Variants in NIPSNAP3B observed in about 807,000 individuals in gnomAD.
NIPSNAP3B encodes protein NipSnap homolog 3B.
NIPSNAP3B carries 30 observed loss-of-function variants against 31.5 expected under a neutral mutation model. The observed-to-expected ratio is 0.95, with a 90% CI of 0.71 to 1.29. The LOEUF is 1.29. NIPSNAP3B is among the 50% of genes most tolerant of loss of function. NIPSNAP3B has a pLI of 0.00. For synonymous variants in NIPSNAP3B, 106 were observed against 107.9 expected (o/e 0.98, Z 0.11); for missense variants, 269 against 300.7 (o/e 0.89, Z 0.78).
chr9:104,778,068 T>G (rs1253653860), downstream of NIPSNAP3B, among the ~76,000 whole-genome samples: 1 of 152,200 alleles, frequency 6.6e-6, no homozygotes, highest in Non-Finnish European at 1.5e-5. Context: ...GGCATTATAC[T>G]CTTCAGATTT....
At chr9:104,788,123 A>G in the NIPSNAP3B span, 5,809 of 1,505,550 alleles carry the variant, frequency 3.9e-3, 176 homozygotes, top group African/African-American at 0.069. Flanking sequence ...CTACACATAC[A>G]TGTATGAAAG....
the NIPSNAP3B span, chr9:104,785,326 T>C: frequency 6.3e-7 from 1 of 1,595,224 alleles, no homozygotes. Context: ...CTCTTGGACC[T>C]ATGGGCGGGA....
the NIPSNAP3B span, among the ~76,000 whole-genome samples, chr9:104,787,546 G>A: frequency 0.092 from 14,034 of 152,186 alleles, 939 homozygotes; most frequent in East Asian, 0.26. Flanking sequence ...TCATCTATCC[G>A]TGTGTAAGGA....
Position 104,766,507 on chromosome 9 carries a change from G to C in NIPSNAP3B, c.243G>C (p.Thr81=). The change falls in exon 2 of 6, where the codon ACG becomes ACC. Residue 81 remains threonine (T), a synonymous_variant. Coordinates refer to ENST00000374762, the MANE Select transcript of NIPSNAP3B (RefSeq NM_018376.4). ...GGAGTGTAGAATTTGGAGGCAGAAC[G>C]AATAAAGTGTTTCATATTTGGAAGT... ...GFWSVEFGGR[T]NKVFHIWKYD... 3.7e-6 allele frequency: 6 copies of C among 1,613,442 alleles called. No individual in the cohort carries two copies. The highest frequency in any genetic ancestry group is 1.3e-5 in the African/African-American group (1 of 74,978).
chr9:104,789,240 C>A, the NIPSNAP3B span, among the ~76,000 whole-genome samples: 1 of 152,180 alleles, frequency 6.6e-6, no homozygotes, highest in African/African-American at 2.4e-5. Flanking sequence ...CGTGCCAGGC[C>A]CTCACAGCTA....
At chr9:104,784,647 C>CT in the NIPSNAP3B span, among the ~76,000 whole-genome samples, 30 of 152,194 alleles carry the variant, frequency 2.0e-4, 1 homozygote, top group South Asian at 1.7e-3. Flanking sequence ...TAAAAATAGA[C>CT]TTTTTTTCCC....
At chr9:104,784,858 T>G in the NIPSNAP3B span, among the ~76,000 whole-genome samples, 4 of 152,072 alleles carry the variant, frequency 2.6e-5, no homozygotes, top group Admixed American at 6.6e-5. Flanking sequence ...TGGCCAGGAT[T>G]ATCTGGATCT....
downstream of NIPSNAP3B, among the ~76,000 whole-genome samples, chr9:104,778,892 AAT>A (rs1307730589): frequency 4.6e-5 from 7 of 152,242 alleles, no homozygotes; most frequent in African/African-American, 1.7e-4. Context: ...CTAACAATAA[AAT>A]CCAAATACCT....
Position 104,768,878 on chromosome 9 carries a change from G to A in NIPSNAP3B, c.287G>A (p.Arg96Gln), listed in dbSNP as rs141198887. ...HIWKYDNFAH[R>Q]AEVRKALANC... ...CCTCCCATAGATAATTTTGCTCATC[G>A]AGCTGAAGTTCGGAAAGCCTTAGCC... Residue 96 changes from arginine (R) to glutamine (Q), a missense_variant, in exon 3 of 6, where the codon CGA becomes CAA. Transcript: ENST00000374762. 2.1e-4 allele frequency: 343 copies of A among 1,602,806 alleles called. No homozygotes were observed. Among genetic ancestry groups the A allele is most frequent in the Non-Finnish European group, 2.7e-4 (319 of 1,175,210 alleles).
chr9:104,770,721 C>A, intron 3 of NIPSNAP3B, 128 bp from the exon 4 acceptor site: 1 of 658,138 alleles, frequency 1.5e-6, no homozygotes, highest in Non-Finnish European at 2.6e-6. Flanking sequence ...ATAAATGTGA[C>A]TGCATATGTA....
chr9:104,778,407 A>G (rs2118816134), downstream of NIPSNAP3B, among the ~76,000 whole-genome samples: 1 of 151,958 alleles, frequency 6.6e-6, no homozygotes, highest in South Asian at 2.1e-4. Flanking sequence ...ATTTTTTTGT[A>G]TTTATTAGAG....
chr9:104,774,288 G>T lies in NIPSNAP3B; in HGVS notation c.*1215G>T, dbSNP rs540222614. 2.0e-5 allele frequency among the ~76,000 whole-genome samples: 3 copies of T among 152,114 alleles called. No individual in the cohort carries two copies. The highest frequency in any genetic ancestry group is 7.2e-5 in the African/African-American group (3 of 41,410). ...TCCTCTCATTTATCAGGCTCTAAGC[G>T]ATCTGCAGTTTATCTGGGCTATTAT... On this transcript the variant is annotated 3_prime_UTR_variant, in exon 6 of 6. Transcript: ENST00000374762.
At chr9:104,779,627 T>G (rs1828418251), downstream of NIPSNAP3B, among the ~76,000 whole-genome samples, 1 of 151,952 alleles carries the variant, frequency 6.6e-6, no homozygotes, top group African/African-American at 2.4e-5. Flanking sequence ...GTGGGTTTTT[T>G]TTTTTTTTTT....
In NIPSNAP3B at chr9:104,773,863, T is replaced by C. The variant is rs1828279812; in HGVS notation, c.*790T>C. 1 of 152,218 alleles carries C rather than the reference T, an allele frequency of 6.6e-6. No individual in the cohort carries two copies. The highest frequency in any genetic ancestry group is 2.4e-5 in the African/African-American group (1 of 41,454). 9.4% of individuals were successfully genotyped at this position (152,218 alleles called of 1,614,324 possible). A position where few individuals can be genotyped will look rare whatever the true frequency, so the allele number is the denominator to read the frequency against. Reference sequence around the variant, plus strand: ...TATTCATTGTTTTTTTAAATTCACATTTTATACTTATATGATCTCTAAAGC... The same window carrying C: ...TATTCATTGTTTTTTTAAATTCACACTTTATACTTATATGATCTCTAAAGC... On this transcript the variant is annotated 3_prime_UTR_variant, in exon 6 of 6. Coordinates refer to ENST00000374762, the MANE Select transcript of NIPSNAP3B (RefSeq NM_018376.4).
downstream of NIPSNAP3B, chr9:104,782,406 T>C (rs1339588945): frequency 6.6e-6 from 1 of 152,130 alleles, no homozygotes; most frequent in Non-Finnish European, 1.5e-5. Flanking sequence ...CCTTTAGCGT[T>C]AATATTCAAA....
chr9:104,768,352 T>A (rs1256327084), intron 2 of NIPSNAP3B, among the ~76,000 whole-genome samples: 1 of 152,224 alleles, frequency 6.6e-6, no homozygotes, highest in Non-Finnish European at 1.5e-5. Context: ...TTAACTTTGA[T>A]TCAAAGTGTA....
In NIPSNAP3B at chr9:104,764,246, C is replaced by T. The variant is rs1476017395; in HGVS notation, c.6C>T (p.Leu2=). ...CTCAGTGCCGAAGCCGCGCCATGCT[C>T]GTTCTCAGAAGCGGCCTGACCAAGG... M[L]VLRSGLTKAL... is the part of the protein sequence containing the mutation. The change falls in exon 1 of 6, where the codon CTC becomes CTT. Residue 2 remains leucine, a synonymous_variant. Coordinates refer to ENST00000374762, the MANE Select transcript of NIPSNAP3B (RefSeq NM_018376.4). 1.2e-6 allele frequency: 2 copies of T among 1,601,898 alleles called. No homozygotes were observed. Among genetic ancestry groups the T allele is most frequent in the Non-Finnish European group, 1.7e-6 (2 of 1,176,086 alleles).
chr9:104,786,388 A>T, the NIPSNAP3B span: 1 of 1,613,948 alleles, frequency 6.2e-7, no homozygotes, highest in Non-Finnish European at 8.5e-7. Context: ...ACATTCTTCC[A>T]TACTGCGGTA....
At chr9:104,778,724 A>G (rs956804944), downstream of NIPSNAP3B, among the ~76,000 whole-genome samples, 6 of 152,128 alleles carry the variant, frequency 3.9e-5, no homozygotes, top group African/African-American at 1.4e-4. Context: ...GATACTGAAC[A>G]TTACCATAGC....
Sources: allele counts gnomAD v4.1 joint callset (sites outside exome capture counted in the v4.1 genomes callset), GRCh38; gene constraint gnomAD v4.1.1; transcripts MANE v1.5; gene names NCBI Gene and HGNC (gene_info 2026-07-23, HGNC 2026-07-21).